CHRM5: variants seen among roughly 807,000 people sequenced by gnomAD.
CHRM5 encodes the protein muscarinic acetylcholine receptor M5.
CHRM5 carries 18 observed loss-of-function variants against 39.0 expected under a neutral mutation model. The observed-to-expected ratio is 0.46, with a 90% CI of 0.32 to 0.68. CHRM5 has a LOEUF of 0.68. Ranked by LOEUF, CHRM5 falls within the 30% of genes least tolerant of loss-of-function variation. CHRM5 has a pLI of 0.04. For synonymous variants in CHRM5, 241 were observed against 246.3 expected (o/e 0.98, Z 0.20); for missense variants, 515 against 651.1 (o/e 0.79, Z 2.28).
intron 1 of CHRM5, chr15:34,007,008 C>T (rs1483248985): frequency 2.1e-6 from 2 of 947,432 alleles, no homozygotes; most frequent in East Asian, 1.2e-4. Context: ...AATATTGTTA[C>T]AAAATTAGTC....
At chr15:34,036,445 T>C (rs1300672565) in intron 1 of CHRM5, among the ~76,000 whole-genome samples, 1 of 152,174 alleles carries the variant, frequency 6.6e-6, no homozygotes, top group Non-Finnish European at 1.5e-5. Flanking sequence ...TTTTTTTCCT[T>C]TGATCATTTC....
chr15:34,041,262 T>C (rs530285087), intron 1 of CHRM5, among the ~76,000 whole-genome samples: 1 of 152,226 alleles, frequency 6.6e-6, no homozygotes, highest in South Asian at 2.1e-4. Flanking sequence ...TGAGAGGCAA[T>C]CACCCTGGAT....
chr15:33,992,451 A>C lies in CHRM5; in HGVS notation c.-408+23301A>C, dbSNP rs186368502. On this transcript the variant is annotated intron_variant, in intron 1 of 2. Transcript: ENST00000383263. ...TATTCAATATTCAGCTACAAGGAAA[A>C]GTTTTTTTGTTATCGGAGTTTTCCT... 4.0e-3 allele frequency among the ~76,000 whole-genome samples: 607 copies of C among 152,266 alleles called. 3 individuals carry two copies. Among genetic ancestry groups the C allele is most frequent in the African/African-American group, 0.013 (555 of 41,552 alleles).
chr15:34,028,860 C>T (rs568585214), intron 1 of CHRM5, among the ~76,000 whole-genome samples: 55 of 151,750 alleles, frequency 3.6e-4, no homozygotes, highest in African/African-American at 1.3e-3. Flanking sequence ...CACATTGTAC[C>T]TTCACCTGAA....
Position 34,008,523 on chromosome 15 carries a change from C to G in CHRM5, c.-407-38017C>G, listed in dbSNP as rs556648591. ...TTTTTTTTTGAGACAGAGTCTTGCT[C>G]TGTCACCCAGGCTGGAGTGCAGTGG... On this transcript the variant is annotated intron_variant, in intron 1 of 2. Transcript: ENST00000383263. Among the ~76,000 whole-genome samples, 6 of 132,032 alleles carry G rather than the reference C, an allele frequency of 4.5e-5. No homozygotes were observed. The South Asian group carries it at 1.5e-3, about 33-fold the overall frequency. 86.6% of individuals were successfully genotyped at this position (132,032 alleles called of 152,430 possible). A position where few individuals can be genotyped will look rare whatever the true frequency, so the allele number is the denominator to read the frequency against.
At chr15:33,980,908 G>A (rs1483154909) in intron 1 of CHRM5, among the ~76,000 whole-genome samples, 3 of 152,066 alleles carry the variant, frequency 2.0e-5, no homozygotes, top group Non-Finnish European at 2.9e-5. Context: ...CCTAAAAATC[G>A]TATCACTAGA....
At chr15:34,031,541 T>C (rs1898825174) in intron 1 of CHRM5, among the ~76,000 whole-genome samples, 1 of 152,198 alleles carries the variant, frequency 6.6e-6, no homozygotes, top group Non-Finnish European at 1.5e-5. Context: ...TAAAGAAATA[T>C]GGATCAGACA....
At chr15:34,024,818 G>C (rs1898377256) in intron 1 of CHRM5, among the ~76,000 whole-genome samples, 1 of 148,856 alleles carries the variant, frequency 6.7e-6, no homozygotes, top group Non-Finnish European at 1.5e-5. Flanking sequence ...CCGAGATCGT[G>C]CCATTGCACT....
chr15:34,015,711 G>C (rs1417398479), intron 1 of CHRM5, among the ~76,000 whole-genome samples: 1 of 151,984 alleles, frequency 6.6e-6, no homozygotes, highest in Non-Finnish European at 1.5e-5. Context: ...CAGACAAAAA[G>C]GTAAACCAAC....
At position 34,003,233 on chromosome 15, in the gene CHRM5, A is replaced by G. The variant is rs781277799; in HGVS notation, c.-408+34083A>G. ...ACCTGCAATCATTAGAGACAAATCA[A>G]TAAGTAAGCAGTGGAAATCCTGACC... On this transcript the variant is annotated intron_variant, in intron 1 of 2. Transcript: ENST00000383263. The G allele has an allele frequency of 4.3e-5, 69 of 1,609,916 alleles. No homozygotes were observed. In the Admixed American group the frequency reaches 7.4e-4, roughly 17 times the overall value.
At chr15:33,975,631 G>A (rs1442824422) in intron 1 of CHRM5, among the ~76,000 whole-genome samples, 1 of 152,144 alleles carries the variant, frequency 6.6e-6, no homozygotes, top group Non-Finnish European at 1.5e-5. Context: ...AACAGAATTT[G>A]TTAGAAATAC....
chr15:34,018,234 C>G (rs1338205704), intron 1 of CHRM5: 1 of 152,144 alleles, frequency 6.6e-6, no homozygotes, highest in Admixed American at 6.5e-5. Context: ...TCCAGTGGTA[C>G]AAGATGTGGA....
intron 1 of CHRM5, among the ~76,000 whole-genome samples, chr15:34,043,246 CA>C (rs59481537): frequency 0.035 from 3,944 of 112,168 alleles, 145 homozygotes; most frequent in African/African-American, 0.11. Flanking sequence ...GAATCCGTCT[CA>C]AAAAAAAAAA....
chr15:33,976,051 G>A (rs1219842177), intron 1 of CHRM5, among the ~76,000 whole-genome samples: 1 of 152,158 alleles, frequency 6.6e-6, no homozygotes, highest in Non-Finnish European at 1.5e-5. Flanking sequence ...TGTGAACTCT[G>A]CAATTTACTT....
chr15:33,986,015 C>T (rs1197943486), intron 1 of CHRM5, among the ~76,000 whole-genome samples: 1 of 152,170 alleles, frequency 6.6e-6, no homozygotes, highest in Non-Finnish European at 1.5e-5. Context: ...TTCATGATGG[C>T]ATAACAAATT....
chr15:33,993,714 C>T (rs1450468060), intron 1 of CHRM5, among the ~76,000 whole-genome samples: 5 of 152,186 alleles, frequency 3.3e-5, no homozygotes, highest in Non-Finnish European at 7.3e-5. Flanking sequence ...ACCACACCTG[C>T]TACCGGGCCC....
intron 1 of CHRM5, among the ~76,000 whole-genome samples, chr15:33,988,774 G>T (rs191066963): frequency 6.6e-6 from 1 of 152,192 alleles, no homozygotes; most frequent in Non-Finnish European, 1.5e-5. Context: ...CTTGATAAAT[G>T]ACCTTGCTCT....
At chr15:34,054,107 G>T (rs1244139231) in intron 2 of CHRM5, among the ~76,000 whole-genome samples, 1 of 152,086 alleles carries the variant, frequency 6.6e-6, no homozygotes, top group Non-Finnish European at 1.5e-5. Flanking sequence ...TTAGAGAAAT[G>T]CAAATCAAAA....
intron 1 of CHRM5, among the ~76,000 whole-genome samples, chr15:34,003,404 T>C (rs1233113555): frequency 1.3e-5 from 2 of 152,224 alleles, no homozygotes; most frequent in African/African-American, 2.4e-5. Context: ...CCAGTAATCA[T>C]TGAAAAGGAA....
Sources: gnomAD v4.1 joint callset for allele counts (sites outside exome capture counted in the v4.1 genomes callset) on GRCh38, gnomAD v4.1.1 for gene constraint, MANE v1.5 for transcripts, NCBI Gene and HGNC (gene_info 2026-07-23, HGNC 2026-07-21) for gene names.